The following ADCY5 variants were observed in gnomAD, a reference collection of about 807,000 sequenced individuals.
ADCY5 encodes the protein adenylate cyclase 5, also known as adenylate cyclase type 5.
ADCY5 carries 30 observed loss-of-function variants against 119.7 expected under a neutral mutation model. The observed-to-expected ratio is 0.25, with a 90% CI of 0.19 to 0.34. The LOEUF (loss-of-function observed/expected upper bound fraction) is 0.34. ADCY5 is among the 10% of genes least tolerant of loss of function. The probability of loss-of-function intolerance (pLI) is 1.00; values close to 1 mark genes in which losing one functional copy is unlikely to be tolerated. For synonymous variants in ADCY5, 753 were observed against 762.2 expected, an observed-to-expected ratio of 0.99 and a Z score of 0.20; for missense variants, 1,324 against 1,775.2, an observed-to-expected ratio of 0.75 and a Z score of 4.57.
At chr3:123,359,126 T>TC (rs1943146239) in intron 1 of ADCY5, among the ~76,000 whole-genome samples, 1 of 114,532 alleles carries the variant, frequency 8.7e-6, no homozygotes, top group South Asian at 2.8e-4. Flanking sequence ...CGGTTCCTGT[T>TC]CCCGGTAAGT....
intron 3 of ADCY5, among the ~76,000 whole-genome samples, chr3:123,342,884 T>C (rs1942357781): frequency 6.6e-6 from 1 of 152,202 alleles, no homozygotes; most frequent in South Asian, 2.1e-4. Flanking sequence ...CTTGACTCTC[T>C]GGTCGTCCAC....
chr3:123,301,469 G>C (rs1156837428), intron 14 of ADCY5, among the ~76,000 whole-genome samples: 4 of 152,210 alleles, frequency 2.6e-5, no homozygotes, highest in African/African-American at 9.6e-5. Flanking sequence ...AGGAGGGATG[G>C]GAGCTCCAAA....
intron 1 of ADCY5, among the ~76,000 whole-genome samples, chr3:123,395,455 C>T (rs553108222): frequency 9.4e-4 from 143 of 152,306 alleles, no homozygotes; most frequent in African/African-American, 3.3e-3. Flanking sequence ...GAGTGGATGG[C>T]GCTGCCTGTA....
Position 123,285,293 on chromosome 3 carries a change from G to A in ADCY5, c.3658-557C>T, listed in dbSNP as rs561620795. Among the ~76,000 whole-genome samples the A allele has an allele frequency of 6.8e-4, 104 of 152,316 alleles. 1 individual carries two copies. The highest frequency in any genetic ancestry group is 2.4e-3 in the African/African-American group (99 of 41,554). On this transcript the variant is annotated intron_variant, in intron 20 of 20. Coordinates refer to ENST00000462833, the MANE Select transcript of ADCY5 (RefSeq NM_183357.3). ...CAGAGCATCTAAGTCACGAGCCTGA[G>A]GTTACACAGTGAATAAATGGCAGGG...
intron 1 of ADCY5, among the ~76,000 whole-genome samples, chr3:123,397,093 A>C (rs1426792228): frequency 6.6e-6 from 1 of 152,128 alleles, no homozygotes; most frequent in Admixed American, 6.6e-5. Context: ...CAGAAGAGCT[A>C]AATTTGTCTC....
chr3:123,286,672 C>T lies in ADCY5; in HGVS notation c.3657+13G>A. On this transcript the variant is annotated intron_variant, in intron 20 of 20. Coordinates refer to ENST00000462833, the MANE Select transcript of ADCY5 (RefSeq NM_183357.3). The surrounding 1 kb of genome is among the most constrained non-coding windows in gnomAD (Gnocchi z 4.2). ...CCCATGGGGTGAGGGGTGGTGGATGCTCCTGCACTCACCTGGATGCGGTCG... is the reference window on the plus strand; with the variant it reads ...CCCATGGGGTGAGGGGTGGTGGATGTTCCTGCACTCACCTGGATGCGGTCG... 1 of 1,601,980 alleles carries T rather than the reference C, an allele frequency of 6.2e-7. No individual in the cohort carries two copies. The highest frequency in any genetic ancestry group is 1.3e-5 in the African/African-American group (1 of 74,818).
chr3:123,371,666 C>G (rs571544356), intron 1 of ADCY5, among the ~76,000 whole-genome samples: 1 of 152,234 alleles, frequency 6.6e-6, no homozygotes, highest in African/African-American at 2.4e-5. Context: ...GGGGATGAGG[C>G]TGCCACTTCT....
intron 2 of ADCY5, among the ~76,000 whole-genome samples, chr3:123,350,957 G>T (rs900201432): frequency 2.0e-5 from 3 of 152,184 alleles, no homozygotes; most frequent in African/African-American, 7.2e-5. Flanking sequence ...GCCTGGGGGT[G>T]AGTGTGGTGC....
rs191074612 is a variant in ADCY5 at position 123,303,908 on chromosome 3, G to T, written c.2559+159C>A. Among the ~76,000 whole-genome samples, 1,174 of 131,284 alleles carry T rather than the reference G, an allele frequency of 8.9e-3. 24 individuals carry two copies. Among genetic ancestry groups the T allele is most frequent in the African/African-American group, 0.029 (1,080 of 37,170 alleles). The allele number at this position is 131,284 out of a possible 152,430, so 86.1% of individuals were successfully genotyped here. On this transcript the variant is annotated intron_variant, in intron 13 of 20. Coordinates refer to ENST00000462833, the MANE Select transcript of ADCY5 (RefSeq NM_183357.3). ...GAAGAGAAGAGAAGAAAGAACTTGT[G>T]TGAGGCACATTGAGCCAAAGCTGAT...
rs751275940 is a variant in ADCY5, at chr3:123,327,635, G to A, written c.1930C>T (p.Arg644Cys). 40 of 1,613,798 alleles carry A rather than the reference G, an allele frequency of 2.5e-5. No individual in the cohort carries two copies. The highest frequency in any genetic ancestry group is 3.3e-4 in the Middle Eastern group (2 of 6,076). ...EHSIETFLIL[R>C]CTQKRKEEKA... ...CCACAGACCCGCTTCTGGGTGCAGC[G>A]CAGGATGAGGAAGGTCTCGATACTG... The change falls in exon 7 of 21, where the codon CGC becomes TGC. Residue 644 changes from arginine to cysteine, a missense_variant. Coordinates refer to ENST00000462833, the MANE Select transcript of ADCY5 (RefSeq NM_183357.3).
intron 19 of ADCY5, among the ~76,000 whole-genome samples, chr3:123,287,665 C>T (rs1023404990): frequency 1.3e-5 from 2 of 152,206 alleles, no homozygotes; most frequent in Non-Finnish European, 2.9e-5. Flanking sequence ...CTTCCTTCCA[C>T]GACCCTCCTC....
intron 17 of ADCY5, 61 bp from the exon 18 acceptor site, chr3:123,291,437 C>T (rs1939142791): frequency 6.4e-7 from 1 of 1,554,488 alleles, no homozygotes; most frequent in Admixed American, 1.8e-5. Context: ...TCGGCCCCTC[C>T]ACCTCCTCCT....
intron 12 of ADCY5, among the ~76,000 whole-genome samples, chr3:123,304,868 T>C (rs1430388831): frequency 2.0e-5 from 3 of 152,146 alleles, no homozygotes; most frequent in African/African-American, 7.2e-5. Flanking sequence ...TGCCACCAAA[T>C]CTGATGCAGC....
intron 3 of ADCY5, among the ~76,000 whole-genome samples, chr3:123,345,769 G>GACACACAGACACACACACACACAC (rs1553731376): frequency 0.049 from 5,563 of 112,952 alleles, 368 homozygotes; most frequent in Admixed American, 0.085. Context: ...CAGACAGACA[G>GACACACAGACACACACACACACAC]ACACACACAC....
chr3:123,391,888 T>A (rs1249281045), intron 1 of ADCY5, among the ~76,000 whole-genome samples: 3 of 152,116 alleles, frequency 2.0e-5, no homozygotes, highest in African/African-American at 7.2e-5. Context: ...CCAGCTCTCC[T>A]CCACCAAGCT....
chr3:123,448,432 G>C lies in ADCY5; in HGVS notation c.114C>G (p.Arg38=), dbSNP rs1440495010. 7.4e-7 allele frequency: 1 copy of C among 1,356,642 alleles called. No homozygotes were observed. The allele number at this position is 1,356,642 out of a possible 1,614,324, so 84.0% of individuals were successfully genotyped here. ...CGGGGGCATGGGGGTAGCCATTCGC[G>C]CGGGAATCGGCCTCGCCCCACGCAG... The part of the protein sequence containing the change: ...HRSAWGEADS[R]ANGYPHAPGG... Residue 38 remains arginine, a synonymous_variant, in exon 1 of 21, where the codon CGC becomes CGG. Transcript: ENST00000462833.
intron 1 of ADCY5, among the ~76,000 whole-genome samples, chr3:123,396,767 AAGGAAGGAAGGAAGGCAGGCAGGC>A (rs1226367926): frequency 2.4e-5 from 2 of 83,732 alleles, no homozygotes; most frequent in Non-Finnish European, 5.2e-5. Flanking sequence ...GGAAGGAAGG[AAGGAAGGAAGGAAGGCAGGCAGGC>A]AGGCAGGCAG....
chr3:123,378,536 A>C (rs915961906), intron 1 of ADCY5, among the ~76,000 whole-genome samples: 1 of 152,136 alleles, frequency 6.6e-6, no homozygotes, highest in Non-Finnish European at 1.5e-5. Context: ...GGAGGCGATG[A>C]CTGAGCTCCC....
chr3:123,323,382 T>C (rs1941320069), intron 8 of ADCY5, among the ~76,000 whole-genome samples: 1 of 152,124 alleles, frequency 6.6e-6, no homozygotes, highest in Admixed American at 6.5e-5. Flanking sequence ...CCTTTAAGAC[T>C]CCAAAATAAC....
Sources: gnomAD v4.1 joint callset for allele counts (sites outside exome capture counted in the v4.1 genomes callset) on GRCh38, gnomAD v4.1.1 for gene constraint, Gnocchi (gnomAD v3.1) non-coding constraint, MANE v1.5 for transcripts, NCBI Gene and HGNC (gene_info 2026-07-23, HGNC 2026-07-21) for gene names.